Variants in CDK19 observed in about 807,000 individuals in gnomAD.
CDK19 encodes the protein cyclin dependent kinase 19.
CDK19 carries 20 observed loss-of-function variants against 68.3 expected under a neutral mutation model. The observed-to-expected ratio is 0.29, with a 90% CI of 0.21 to 0.43. The LOEUF is 0.43. Ranked by LOEUF, CDK19 falls within the 20% of genes least tolerant of loss-of-function variation. The pLI, the probability that CDK19 is intolerant of heterozygous loss-of-function variation, is 1.00. For synonymous variants in CDK19, 221 were observed against 222.8 expected (o/e 0.99, Z 0.07); for missense variants, 339 against 623.5 (o/e 0.54, Z 4.86).
chr6:110,720,645 T>C (rs1775793902), intron 2 of CDK19, among the ~76,000 whole-genome samples: 2 of 152,060 alleles, frequency 1.3e-5, no homozygotes, highest in Non-Finnish European at 2.9e-5. Flanking sequence ...GGCAGGCAGA[T>C]TACCTGAGGT....
intron 2 of CDK19, among the ~76,000 whole-genome samples, chr6:110,708,352 C>CT (rs1774685816): frequency 6.6e-6 from 1 of 152,218 alleles, no homozygotes; most frequent in African/African-American, 2.4e-5. Flanking sequence ...GAAGGCCACC[C>CT]TCCACAGTGA....
At chr6:110,726,184 G>A (rs1224269275) in intron 2 of CDK19, among the ~76,000 whole-genome samples, 5 of 152,134 alleles carry the variant, frequency 3.3e-5, no homozygotes, top group Admixed American at 3.3e-4. Flanking sequence ...TTATAATCAT[G>A]TTATAATCAT....
rs117587416 is a variant in CDK19, at chr6:110,715,712, G to A, written c.204+30414C>T. Reference sequence around the variant, plus strand: ...TGTTGGTCAGGCTGGTCTCAAACTCGTGGACCTCACATGATCCACCTGCCT... The same window carrying A: ...TGTTGGTCAGGCTGGTCTCAAACTCATGGACCTCACATGATCCACCTGCCT... On this transcript the variant is annotated intron_variant, in intron 2 of 12. Transcript: ENST00000368911. Among the ~76,000 whole-genome samples, 788 of 152,070 alleles carry A rather than the reference G, an allele frequency of 5.2e-3. 3 individuals carry two copies. The highest frequency in any genetic ancestry group is 0.017 in the Middle Eastern group (5 of 294).
At chr6:110,743,348 T>C (rs920645613) in intron 2 of CDK19, among the ~76,000 whole-genome samples, 1 of 152,108 alleles carries the variant, frequency 6.6e-6, no homozygotes, top group Non-Finnish European at 1.5e-5. Flanking sequence ...TCAATAAGAA[T>C]ATGAAGGCTA....
intron 2 of CDK19, 129 bp downstream of exon 2, chr6:110,745,997 A>G: frequency 2.1e-6 from 1 of 467,944 alleles, no homozygotes; most frequent in Non-Finnish European, 3.6e-6. Flanking sequence ...CTCACTCTAC[A>G]TAAAATATTC....
At chr6:110,741,300 TA>T (rs111770926) in intron 2 of CDK19, among the ~76,000 whole-genome samples, 7,152 of 143,968 alleles carry the variant, frequency 0.05, 172 homozygotes, top group Middle Eastern at 0.082. Flanking sequence ...TACAAAAAAT[TA>T]AAAAAAAAAA....
chr6:110,711,180 T>C (rs1341694616), intron 2 of CDK19, among the ~76,000 whole-genome samples: 1 of 152,250 alleles, frequency 6.6e-6, no homozygotes, highest in East Asian at 1.9e-4. Flanking sequence ...TTCTTAGGAA[T>C]ATATTGTGAT....
At position 110,613,616 on chromosome 6, in the gene CDK19, T is replaced by C. The variant is rs576676794; in HGVS notation, c.*919A>G. 5 of 152,732 alleles carry C rather than the reference T, an allele frequency of 3.3e-5. No homozygotes were observed. The highest frequency in any genetic ancestry group is 1.2e-4 in the African/African-American group (5 of 41,566). 9.5% of individuals were successfully genotyped at this position (152,732 alleles called of 1,614,324 possible). A position where few individuals can be genotyped will look rare whatever the true frequency, so the allele number is the denominator to read the frequency against. On this transcript the variant is annotated 3_prime_UTR_variant, in exon 13 of 13. Transcript: ENST00000368911. ...TATGTACAATACACACTAAAAACTTTTCCTTCAAAGGGAAGTAACACGTCT... is the reference window on the plus strand; with the variant it reads ...TATGTACAATACACACTAAAAACTTCTCCTTCAAAGGGAAGTAACACGTCT...
At chr6:110,667,632 AC>A in intron 3 of CDK19, 58 bp from the exon 4 acceptor site, 1 of 901,672 alleles carries the variant, frequency 1.1e-6, no homozygotes, top group Non-Finnish European at 1.6e-6. Flanking sequence ...TGCCAATAAA[AC>A]ACAATCAATG....
At chr6:110,702,693 G>A (rs1000243547) in intron 2 of CDK19, among the ~76,000 whole-genome samples, 3 of 152,014 alleles carry the variant, frequency 2.0e-5, no homozygotes, top group Admixed American at 6.6e-5. Context: ...CTGTATTGTC[G>A]ATATGGAAAG....
intron 4 of CDK19, among the ~76,000 whole-genome samples, chr6:110,643,792 CT>C (rs1780358153): frequency 6.6e-6 from 1 of 152,118 alleles, no homozygotes; most frequent in Non-Finnish European, 1.5e-5. Flanking sequence ...TTGGAATTTA[CT>C]CTATAGGCAA....
intron 2 of CDK19, among the ~76,000 whole-genome samples, chr6:110,701,663 A>G (rs1774021621): frequency 6.6e-6 from 1 of 152,228 alleles, no homozygotes; most frequent in Non-Finnish European, 1.5e-5. Context: ...TTATCTAACA[A>G]TATGACTATC....
At chr6:110,801,401 C>T (rs559232302) in intron 1 of CDK19, among the ~76,000 whole-genome samples, 4 of 152,276 alleles carry the variant, frequency 2.6e-5, no homozygotes, top group African/African-American at 9.6e-5. Context: ...GGGAGAATTG[C>T]TTAGGCCCAG....
intron 2 of CDK19, among the ~76,000 whole-genome samples, chr6:110,704,534 A>T (rs1414378096): frequency 8.5e-5 from 13 of 152,100 alleles, no homozygotes; most frequent in African/African-American, 2.2e-4. Context: ...GATTATCTAT[A>T]CCACTCATTT....
chr6:110,804,163 C>T (rs760918081), intron 1 of CDK19, among the ~76,000 whole-genome samples: 5 of 152,052 alleles, frequency 3.3e-5, no homozygotes, highest in East Asian at 1.9e-4. Flanking sequence ...GTTAACTGGC[C>T]TACTTGGTAA....
At chr6:110,678,350 T>C (rs534851786) in intron 2 of CDK19, among the ~76,000 whole-genome samples, 3 of 152,138 alleles carry the variant, frequency 2.0e-5, no homozygotes, top group African/African-American at 7.2e-5. Flanking sequence ...AGAGCTCCAT[T>C]TGAATGTCTA....
intron 1 of CDK19, among the ~76,000 whole-genome samples, chr6:110,758,573 A>C (rs1356854086): frequency 6.6e-6 from 1 of 152,242 alleles, no homozygotes; most frequent in Non-Finnish European, 1.5e-5. Context: ...TTACCAAAAT[A>C]AACTTGTTCA....
chr6:110,729,403 C>T (rs980086389), intron 2 of CDK19, among the ~76,000 whole-genome samples: 6 of 151,720 alleles, frequency 4.0e-5, no homozygotes, highest in South Asian at 2.1e-4. Context: ...AAAAATTAAA[C>T]GGAGTTTATT....
At chr6:110,664,443 T>G (rs1338807217) in intron 4 of CDK19, among the ~76,000 whole-genome samples, 1 of 152,224 alleles carries the variant, frequency 6.6e-6, no homozygotes, top group Non-Finnish European at 1.5e-5. Flanking sequence ...GTATGTCATA[T>G]TTCTTCAAGG....
Sources: allele counts gnomAD v4.1 joint callset (sites outside exome capture counted in the v4.1 genomes callset), GRCh38; gene constraint gnomAD v4.1.1; transcripts MANE v1.5; gene names NCBI Gene and HGNC (gene_info 2026-07-23, HGNC 2026-07-21).